CXorf58: variants seen among roughly 807,000 people sequenced by gnomAD.
CXorf58 encodes uncharacterized protein CXorf58.
In CXorf58, 24 loss-of-function variants were observed where a neutral mutation model predicts 26.0. The ratio of observed to expected loss-of-function variants is 0.92; its 90% CI spans 0.67 to 1.30. CXorf58 has a LOEUF of 1.30. Among genes scored for constraint, CXorf58 ranks in the 50% most tolerant of loss-of-function variants. CXorf58 has a pLI of 0.00. For missense variants in CXorf58, 236 were observed against 263.9 expected (o/e 0.89, Z 0.73); for synonymous variants, 87 against 86.1 (o/e 1.01, Z -0.06).
chrX:23,934,030 C>CAA (rs5901746), intron 6 of CXorf58, among the ~76,000 whole-genome samples: 1 of 98,581 alleles, frequency 1.0e-5, no homozygotes, highest in African/African-American at 3.7e-5. Context: ...GACCCTGTCT[C>CAA]AAAAAAAAAA....
intron 5 of CXorf58, among the ~76,000 whole-genome samples, chrX:23,926,663 A>G (rs1295066095): frequency 8.9e-6 from 1 of 112,531 alleles, no homozygotes; most frequent in Non-Finnish European, 1.9e-5. Flanking sequence ...GGGAAAAACC[A>G]GTTGTTTTAA....
At chrX:23,910,601 T>TA (rs1217890425) in intron 2 of CXorf58, among the ~76,000 whole-genome samples, 183 bp downstream of exon 2, 1 of 111,634 alleles carries the variant, frequency 9.0e-6, no homozygotes, top group East Asian at 2.8e-4. Context: ...AACACACATC[T>TA]ACTTGATCCT....
At chrX:23,927,449 CT>C (rs1928043186) in intron 6 of CXorf58, 79 bp downstream of exon 6, 1 of 538,361 alleles carries the variant, frequency 1.9e-6, no homozygotes, top group Non-Finnish European at 2.7e-6. Context: ...TAGAATCATA[CT>C]TTTTTATTAT....
Position 23,935,246 on chromosome X carries a change from C to G in CXorf58, c.606C>G (p.Asn202Lys). The G allele has an allele frequency of 8.3e-7, 1 of 1,211,055 alleles. No homozygotes were observed. The highest frequency in any genetic ancestry group is 1.1e-6 in the Non-Finnish European group (1 of 895,007). ...CTGCATTTTCTGGCGGCAGAAATAA[C>G]AGCTGGCGCAAATTAAATCTTGAAA... ...EAPAFSGGRN[N>K]SWRKLNLENI... Residue 202 changes from asparagine (N) to lysine (K), a missense_variant, in exon 7 of 9, where the codon AAC (asparagine) becomes AAG (lysine). Coordinates refer to ENST00000379211, the MANE Select transcript of CXorf58 (RefSeq NM_152761.3).
intron 5 of CXorf58, among the ~76,000 whole-genome samples, chrX:23,919,817 G>T (rs1278239744): frequency 8.9e-6 from 1 of 112,788 alleles, no homozygotes; most frequent in African/African-American, 3.2e-5. Flanking sequence ...AGGGACTCAG[G>T]TGTCGTGATC....
chrX:23,929,424 A>G (rs1006544311), intron 6 of CXorf58, among the ~76,000 whole-genome samples: 5 of 87,184 alleles, frequency 5.7e-5, no homozygotes, highest in African/African-American at 1.9e-4. Flanking sequence ...AAAAAAAAAG[A>G]AAAAGAAAAA....
chrX:23,910,990 T>A (rs1927564252), intron 2 of CXorf58, among the ~76,000 whole-genome samples: 2 of 110,198 alleles, frequency 1.8e-5, no homozygotes, highest in Admixed American at 2.0e-4. Context: ...GGTCTCGATC[T>A]CCTGGCCTCA....
chrX:23,910,954 C>T (rs1425039062), intron 2 of CXorf58, among the ~76,000 whole-genome samples: 2 of 108,875 alleles, frequency 1.8e-5, no homozygotes, highest in Non-Finnish European at 3.8e-5. Context: ...TCAGTAGAGA[C>T]GGGGTTTCAC....
chrX:23,939,345 A>T lies in CXorf58; in HGVS notation c.*42A>T. 1 of 942,515 alleles carries T rather than the reference A, an allele frequency of 1.1e-6. No homozygotes were observed. Among genetic ancestry groups the T allele is most frequent in the Non-Finnish European group, 1.5e-6 (1 of 673,890 alleles). 77.7% of individuals were successfully genotyped at this position (942,515 alleles called of 1,213,427 possible). A position where few individuals can be genotyped will look rare whatever the true frequency, so the allele number is the denominator to read the frequency against. On this transcript the variant is annotated 3_prime_UTR_variant, in exon 9 of 9. Transcript: ENST00000379211. ...GAATCTATGTCAGAGTGTCAGCTGG[A>T]AAAAGAAAAAAGGACTCATTTTCCT...
intron 2 of CXorf58, 88 bp downstream of exon 2, chrX:23,910,506 G>A (rs897131409): frequency 2.0e-6 from 1 of 498,031 alleles, no homozygotes; most frequent in Non-Finnish European, 3.4e-6. Context: ...AATGCTTCTT[G>A]TTTTGTAAAT....
chrX:23,936,981 A>T (rs1928309422), intron 7 of CXorf58, among the ~76,000 whole-genome samples: 2 of 112,448 alleles, frequency 1.8e-5, no homozygotes. Context: ...CCTACTGAGT[A>T]TCCAAGAATA....
intron 5 of CXorf58, 172 bp downstream of exon 5, chrX:23,916,500 TAAAAAAA>T: frequency 8.7e-6 from 1 of 115,451 alleles, no homozygotes; most frequent in Non-Finnish European, 1.5e-5. Flanking sequence ...ACTTACTAGC[TAAAAAAA>T]AAAAAAAAAA....
chrX:23,911,588 AT>A (rs1000277974), intron 2 of CXorf58, among the ~76,000 whole-genome samples, 168 bp from the exon 3 acceptor site: 1 of 110,713 alleles, frequency 9.0e-6, no homozygotes, highest in African/African-American at 3.3e-5. Flanking sequence ...TTCTGAGTAG[AT>A]TCTGCAAATG....
chrX:23,938,284 A>T, intron 7 of CXorf58, among the ~76,000 whole-genome samples: 1 of 111,855 alleles, frequency 8.9e-6, no homozygotes, highest in Non-Finnish European at 1.9e-5. Flanking sequence ...TTTTAAATTG[A>T]TAACAGGTTT....
rs748817043 is a variant in CXorf58 at position 23,911,788 on chromosome X, C to T, written c.148C>T (p.Gln50Ter). Reference protein sequence around the residue: ...MLKDISAQIIQRAWLSHTNKM... With the variant: ...MLKDISAQII ...TAAAGACATTTCAGCTCAAATAATA[C>T]AGAGGGCTTGGTTATCTCATACAAA... Residue 50 changes from glutamine to a stop codon, truncating the protein, a stop_gained, in exon 3 of 9, where the codon CAG (glutamine) becomes TAG (stop). Transcript: ENST00000379211. LOFTEE classifies it high-confidence loss of function. 2.5e-6 allele frequency: 3 copies of T among 1,199,017 alleles called. No individual in the cohort carries two copies.
At chrX:23,916,429 G>T in intron 5 of CXorf58, 101 bp downstream of exon 5, 1 of 403,414 alleles carries the variant, frequency 2.5e-6, no homozygotes, top group Non-Finnish European at 4.1e-6. Context: ...ATTTCACCAT[G>T]AAACAGCCCA....
At chrX:23,937,426 C>CTT (rs112427001) in intron 7 of CXorf58, among the ~76,000 whole-genome samples, 50 of 94,981 alleles carry the variant, frequency 5.3e-4, no homozygotes, top group East Asian at 3.7e-3. Context: ...TTTTTCTTTT[C>CTT]TTTTTTTTTT....
chrX:23,938,752 T>A (rs747679474), intron 8 of CXorf58, 52 bp downstream of exon 8: 1 of 887,329 alleles, frequency 1.1e-6, no homozygotes, highest in Non-Finnish European at 1.5e-6. Flanking sequence ...TCAAACTGTC[T>A]GTAAAGTAGC....
At chrX:23,921,866 T>A (rs1291886058) in intron 5 of CXorf58, among the ~76,000 whole-genome samples, 1 of 109,339 alleles carries the variant, frequency 9.1e-6, no homozygotes, top group Non-Finnish European at 1.9e-5. Flanking sequence ...GCCTGGCTAA[T>A]TTTTGCATTT....
Sources: gnomAD v4.1 joint callset for allele counts (sites outside exome capture counted in the v4.1 genomes callset) on GRCh38, gnomAD v4.1.1 for gene constraint, MANE v1.5 for transcripts, NCBI Gene and HGNC (gene_info 2026-07-23, HGNC 2026-07-21) for gene names.